Variants in POLE observed in about 807,000 individuals in gnomAD.
POLE encodes DNA polymerase epsilon, catalytic subunit, also known as DNA polymerase epsilon catalytic subunit A.
POLE carries 188 observed loss-of-function variants against 279.2 expected under a neutral mutation model. The ratio of observed to expected loss-of-function variants is 0.67; its 90% CI spans 0.60 to 0.76. POLE has a LOEUF of 0.76. Ranked by LOEUF, POLE falls within the 30% of genes least tolerant of loss-of-function variation. The pLI is 0.00. For synonymous variants in POLE, 1,214 were observed against 1,172.5 expected (o/e 1.04, Z -0.72); for missense variants, 2,703 against 3,016.7 (o/e 0.90, Z 2.44).
chr12:132,649,336 G>C lies in POLE; in HGVS notation c.3975C>G (p.Ser1325Arg), dbSNP rs749011369. The stretch of plus-strand genomic sequence containing the variant: ...CAATCTGCCACGGAAGGTCCAGGAT[G>C]CTGCGGGCAGTTCTTCGCAAGAAGC... ...LGSFLRRTARSILDLPWQIVQ... is the reference protein window; with the variant it reads ...LGSFLRRTARRILDLPWQIVQ... Residue 1325 changes from serine (S) to arginine (R), a missense_variant, in exon 31 of 49, where the codon AGC becomes AGG. Coordinates refer to ENST00000320574, the MANE Select transcript of POLE (RefSeq NM_006231.4). 1 of 1,613,536 alleles carries C rather than the reference G, an allele frequency of 6.2e-7. No homozygotes were observed.
In POLE at chr12:132,634,026, AGAG is replaced by A; in HGVS notation, c.6004+157_6004+159del. The A allele has an allele frequency of 1.5e-6, 1 of 654,476 alleles. No individual in the cohort carries two copies. The highest frequency in any genetic ancestry group is 2.7e-6 in the Non-Finnish European group (1 of 376,224). 40.5% of individuals were successfully genotyped at this position (654,476 alleles called of 1,614,324 possible). A position where few individuals can be genotyped will look rare whatever the true frequency, so the allele number is the denominator to read the frequency against. ...CCAGTGGAACATGCCTGGAGCCTGG[AGAG>A]GAGGCCCCTCGGCTCACAAAGTCCC... On this transcript the variant is annotated intron_variant, in intron 43 of 48. Coordinates refer to ENST00000320574, the MANE Select transcript of POLE (RefSeq NM_006231.4). This position sits in a 1 kb window ranked among gnomAD's most constrained non-coding sequence, Gnocchi z 4.0.
intron 45 of POLE, among the ~76,000 whole-genome samples, chr12:132,627,028 C>T (rs1325178128): frequency 6.6e-6 from 1 of 152,224 alleles, no homozygotes; most frequent in Non-Finnish European, 1.5e-5. Flanking sequence ...CGCCTGTAAT[C>T]CCAGCACTTT....
intron 46 of POLE, 88 bp downstream of exon 46, chr12:132,626,029 G>GAGCTGGAGCTGC: frequency 7.5e-7 from 1 of 1,337,580 alleles, no homozygotes; most frequent in Non-Finnish European, 1.0e-6. Flanking sequence ...GTGACCCACA[G>GAGCTGGAGCTGC]AGCTGGAGCT....
intron 16 of POLE, among the ~76,000 whole-genome samples, chr12:132,669,708 CAAG>C (rs1464816204): frequency 6.6e-6 from 1 of 152,168 alleles, no homozygotes; most frequent in African/African-American, 2.4e-5. Flanking sequence ...GCTGTCCAGT[CAAG>C]AAGGGGAGGA....
At chr12:132,659,613 G>T in intron 25 of POLE, 104 bp from the exon 26 acceptor site, 3 of 848,712 alleles carry the variant, frequency 3.5e-6, no homozygotes, top group Non-Finnish European at 5.6e-6. Flanking sequence ...AGCCTGAGAC[G>T]CAGAAGGCTG....
chr12:132,649,139 C>G (rs2042356590), intron 31 of POLE, 67 bp from the exon 32 acceptor site: 1 of 1,565,784 alleles, frequency 6.4e-7, no homozygotes, highest in African/African-American at 1.4e-5. Context: ...GGGCCACCTT[C>G]CAGGTAGCTT....
At chr12:132,680,795 T>G (rs1270824489) in intron 2 of POLE, 108 bp from the exon 3 acceptor site, 49 of 846,764 alleles carry the variant, frequency 5.8e-5, no homozygotes, top group Non-Finnish European at 8.7e-5. Flanking sequence ...AACCCTCTCA[T>G]CTAGGTCTTT....
At chr12:132,630,578 C>T (rs2041916755) in intron 45 of POLE, among the ~76,000 whole-genome samples, 1 of 152,016 alleles carries the variant, frequency 6.6e-6, no homozygotes, top group Non-Finnish European at 1.5e-5. Flanking sequence ...GGTGAAACTC[C>T]GTCTCCACTA....
chr12:132,652,499 T>A (rs938549095), intron 29 of POLE, among the ~76,000 whole-genome samples: 19 of 151,914 alleles, frequency 1.3e-4, no homozygotes, highest in Non-Finnish European at 4.4e-5. Context: ...GTGCCGGATT[T>A]TTTTTGTAGA....
chr12:132,625,093 C>G (rs1161372388), intron 47 of POLE, 99 bp from the exon 48 acceptor site: 9 of 858,528 alleles, frequency 1.0e-5, no homozygotes, highest in Non-Finnish European at 1.7e-5. Flanking sequence ...GTGGGCCCAT[C>G]AGTAAGCCTC....
rs5744885 is a variant in POLE, at chr12:132,657,796, A to G, written c.3378+72T>C. On this transcript the variant is annotated intron_variant, in intron 27 of 48. Transcript: ENST00000320574. ...GACGCCAGACAAAAAACATAATCCAACTCAGACATATTCTGCTCTGTCTAG... is the reference window on the plus strand; with the variant it reads ...GACGCCAGACAAAAAACATAATCCAGCTCAGACATATTCTGCTCTGTCTAG... 1,888 of 1,037,928 alleles carry G rather than the reference A, an allele frequency of 1.8e-3. 21 individuals carry two copies. The African/African-American group carries it at 0.035, about 19-fold the overall frequency. The allele number at this position is 1,037,928 out of a possible 1,614,324, so 64.3% of individuals were successfully genotyped here.
chr12:132,669,644 G>A lies in POLE; in HGVS notation c.1795-705C>T, dbSNP rs143974325. On this transcript the variant is annotated intron_variant, in intron 16 of 48. Coordinates refer to ENST00000320574, the MANE Select transcript of POLE (RefSeq NM_006231.4). ...TGAATTACAGATAAACGAATCAGCC[G>A]GGGAAGAGCCTCCACTGCACCCTTC... is the stretch of plus-strand genomic sequence containing the variant. 1.6e-4 allele frequency among the ~76,000 whole-genome samples: 24 copies of A among 152,236 alleles called. No individual in the cohort carries two copies. The East Asian group carries it at 3.1e-3, about 20-fold the overall frequency.
chr12:132,624,263 C>T lies in POLE; in HGVS notation c.*434G>A, dbSNP rs967112378. 24 of 260,402 alleles carry T rather than the reference C, an allele frequency of 9.2e-5. No homozygotes were observed. Among genetic ancestry groups the T allele is most frequent in the Middle Eastern group, 1.2e-3 (1 of 846 alleles). 16.1% of individuals were successfully genotyped at this position (260,402 alleles called of 1,614,324 possible). A position where few individuals can be genotyped will look rare whatever the true frequency, so the allele number is the denominator to read the frequency against. Reference sequence around the variant, plus strand: ...CAGCCCCACCAGGGCCTTGGGAACCCGTCTCGTCTCAGAGCCCAATCTCAG... The same window carrying T: ...CAGCCCCACCAGGGCCTTGGGAACCTGTCTCGTCTCAGAGCCCAATCTCAG... On this transcript the variant is annotated 3_prime_UTR_variant, in exon 49 of 49. Coordinates refer to ENST00000320574, the MANE Select transcript of POLE (RefSeq NM_006231.4).
At chr12:132,662,093 G>A (rs7489112) in intron 23 of POLE, among the ~76,000 whole-genome samples, 77,730 of 152,102 alleles carry the variant, frequency 0.51, 20,654 homozygotes, top group East Asian at 0.7. Flanking sequence ...AGGGCTGTAC[G>A]CTACAGAGTG....
At chr12:132,652,595 A>G (rs2042447401) in intron 29 of POLE, among the ~76,000 whole-genome samples, 1 of 152,198 alleles carries the variant, frequency 6.6e-6, no homozygotes, top group African/African-American at 2.4e-5. Context: ...AAGCACTGCA[A>G]TTACAGGCAT....
rs375745403 is a variant in POLE, at chr12:132,649,662, A to C, written c.3795+15T>G. ...ACCCCTCAGAGACAGACAGTATCACAGCTGTGTGCCTTACCTGGCTGGTTC... is the reference window on the plus strand; with the variant it reads ...ACCCCTCAGAGACAGACAGTATCACCGCTGTGTGCCTTACCTGGCTGGTTC... On this transcript the variant is annotated intron_variant, in intron 30 of 48. Transcript: ENST00000320574. The C allele has an allele frequency of 2.3e-5, 37 of 1,613,256 alleles. No homozygotes were observed. In the African/African-American group the frequency reaches 4.4e-4, roughly 19 times the overall value.
chr12:132,671,070 C>A (rs1018862730), intron 16 of POLE, among the ~76,000 whole-genome samples: 6 of 150,960 alleles, frequency 4.0e-5, no homozygotes, highest in African/African-American at 1.5e-4. Context: ...CGAAAGCAGC[C>A]TGGCCAACGT....
intron 1 of POLE, among the ~76,000 whole-genome samples, chr12:132,683,973 G>C (rs1258755778): frequency 4.0e-5 from 6 of 149,800 alleles, no homozygotes; most frequent in Non-Finnish European, 7.4e-5. Flanking sequence ...AGCTACCATT[G>C]ACTGGTTACT....
At chr12:132,674,862 T>C (rs569763606) in intron 12 of POLE, among the ~76,000 whole-genome samples, 1,614 of 137,534 alleles carry the variant, frequency 0.012, 37 homozygotes, top group African/African-American at 0.042. Flanking sequence ...TCCCTTCCCT[T>C]CCTTCCCTTC....
Sources: allele counts gnomAD v4.1 joint callset (sites outside exome capture counted in the v4.1 genomes callset), GRCh38; gene constraint gnomAD v4.1.1; non-coding constraint Gnocchi (gnomAD v3.1); transcripts MANE v1.5; gene names NCBI Gene and HGNC (gene_info 2026-07-23, HGNC 2026-07-21).